The following DLG2 variants were observed in gnomAD, a reference collection of about 807,000 sequenced individuals.
DLG2 encodes the protein disks large homolog 2.
A neutral mutation model predicts 132.5 loss-of-function variants in DLG2; 45 were observed. The observed-to-expected ratio is 0.34, with a 90% CI of 0.27 to 0.44. The LOEUF (loss-of-function observed/expected upper bound fraction) is 0.44, where lower values mean the gene tolerates loss of function less well. Among genes scored for constraint, DLG2 ranks in the 20% least tolerant of loss-of-function variants. The pLI is 1.00. For synonymous variants in DLG2, 424 were observed against 419.6 expected (o/e 1.01, Z -0.13); for missense variants, 1,045 against 1,196.9 (o/e 0.87, Z 1.87).
At chr11:85,626,851 A>G (rs2082057682) in intron 1 of DLG2, 98 bp from the exon 2 acceptor site, 1 of 152,226 alleles carries the variant, frequency 6.6e-6, no homozygotes, top group Admixed American at 6.5e-5. Flanking sequence ...TAGTTTTTCA[A>G]GTTTTTCAAT....
At chr11:85,399,248 G>T (rs909137788) in intron 3 of DLG2, among the ~76,000 whole-genome samples, 11 of 152,068 alleles carry the variant, frequency 7.2e-5, no homozygotes, top group Non-Finnish European at 1.5e-4. Flanking sequence ...TCTTCAAGGA[G>T]AACTACAAAC....
intron 12 of DLG2, among the ~76,000 whole-genome samples, chr11:83,969,552 C>A (rs1462169772): frequency 1.3e-5 from 2 of 152,080 alleles, no homozygotes; most frequent in Non-Finnish European, 1.5e-5. Context: ...ACCACTTGTG[C>A]TTAGATAATG....
At chr11:83,707,682 TAAC>T (rs1437249014) in intron 18 of DLG2, among the ~76,000 whole-genome samples, 1 of 151,514 alleles carries the variant, frequency 6.6e-6, no homozygotes, top group African/African-American at 2.4e-5. Context: ...ACAACAACAA[TAAC>T]AACAGCAATA....
At chr11:85,383,928 C>T (rs985678918) in intron 3 of DLG2, among the ~76,000 whole-genome samples, 2 of 152,158 alleles carry the variant, frequency 1.3e-5, no homozygotes, top group East Asian at 1.9e-4. Context: ...GTGCCCTTCT[C>T]CCCTACAGAA....
At chr11:84,460,927 G>A (rs1278470207) in intron 7 of DLG2, among the ~76,000 whole-genome samples, 18 of 150,558 alleles carry the variant, frequency 1.2e-4, no homozygotes, top group Admixed American at 1.2e-3. Flanking sequence ...TACCCTATAA[G>A]AGACTCATTG....
At chr11:85,101,459 C>G (rs567596827) in intron 6 of DLG2, among the ~76,000 whole-genome samples, 1 of 152,122 alleles carries the variant, frequency 6.6e-6, no homozygotes, top group South Asian at 2.1e-4. Flanking sequence ...TAGTATTTCT[C>G]AGTTTATGCT....
At position 84,419,788 on chromosome 11, in the gene DLG2, A is replaced by AG. The variant is rs1276370600; in HGVS notation, c.519+114781dup. Among the ~76,000 whole-genome samples the AG allele has an allele frequency of 7.3e-4, 111 of 152,294 alleles. 1 individual carries two copies. The highest frequency in any genetic ancestry group is 2.6e-3 in the African/African-American group (109 of 41,554). The stretch of plus-strand genomic sequence containing the variant: ...GTGTCCTGAGCCTCCTGCTGACAAA[A>AG]GGCTACCCATTTTGCTCCTAATTAA... On this transcript the variant is annotated intron_variant, in intron 7 of 27. Transcript: ENST00000376104.
chr11:85,572,444 T>G (rs1326287365), intron 3 of DLG2, among the ~76,000 whole-genome samples: 1 of 152,182 alleles, frequency 6.6e-6, no homozygotes, highest in Non-Finnish European at 1.5e-5. Flanking sequence ...AAAATTTGCT[T>G]TCTGGGAACT....
At chr11:83,835,203 C>T (rs1372027663) in intron 16 of DLG2, among the ~76,000 whole-genome samples, 2 of 152,158 alleles carry the variant, frequency 1.3e-5, no homozygotes, top group Non-Finnish European at 2.9e-5. Flanking sequence ...GAAGGTGTTT[C>T]AGGTGCTCAG....
At chr11:84,142,011 G>A (rs966440423) in intron 9 of DLG2, among the ~76,000 whole-genome samples, 4 of 152,002 alleles carry the variant, frequency 2.6e-5, no homozygotes, top group Non-Finnish European at 4.4e-5. Context: ...CAGGTAGAAA[G>A]GAGATTTGCT....
At chr11:83,858,617 G>C (rs1565373863) in intron 16 of DLG2, among the ~76,000 whole-genome samples, 1 of 152,108 alleles carries the variant, frequency 6.6e-6, no homozygotes. Flanking sequence ...CCCCACAATG[G>C]CTATGGCCCT....
intron 7 of DLG2, among the ~76,000 whole-genome samples, chr11:84,339,189 T>C (rs1438948583): frequency 1.3e-5 from 2 of 152,160 alleles, no homozygotes; most frequent in Admixed American, 6.5e-5. Context: ...GCTGAAGGGA[T>C]GGAGGGTTAC....
At chr11:84,948,466 T>A (rs969745388) in intron 6 of DLG2, among the ~76,000 whole-genome samples, 3 of 152,132 alleles carry the variant, frequency 2.0e-5, no homozygotes, top group Non-Finnish European at 2.9e-5. Flanking sequence ...CTGGAATGAG[T>A]CAACTGAAAG....
rs1240484575 is a variant in DLG2, at chr11:83,459,053, A to G, written c.*765T>C. On this transcript the variant is annotated 3_prime_UTR_variant, in exon 28 of 28. Transcript: ENST00000376104. ...AATATTAGTCTTTACAAAATATTTCACAAAACTTTTTTAACCTATAGAAAT... is the reference window on the plus strand; with the variant it reads ...AATATTAGTCTTTACAAAATATTTCGCAAAACTTTTTTAACCTATAGAAAT... 6.6e-6 allele frequency: 1 copy of G among 152,584 alleles called. No individual in the cohort carries two copies. The highest frequency in any genetic ancestry group is 1.5e-5 in the Non-Finnish European group (1 of 68,050). The allele number at this position is 152,584 out of a possible 1,614,324, so 9.5% of individuals were successfully genotyped here.
Position 84,353,132 on chromosome 11 carries a change from T to C in DLG2, c.520-101841A>G, listed in dbSNP as rs1401760006. Among the ~76,000 whole-genome samples the C allele has an allele frequency of 2.6e-5, 4 of 152,192 alleles. No individual in the cohort carries two copies. In the East Asian group the frequency reaches 5.8e-4, roughly 22 times the overall value. The stretch of plus-strand genomic sequence containing the variant: ...CAAACCTCTCAAAAAGAGTTTTCTC[T>C]ACTCTCTCCATTTTATCACCTCTCA... On this transcript the variant is annotated intron_variant, in intron 7 of 27. Coordinates refer to ENST00000376104, the MANE Select transcript of DLG2 (RefSeq NM_001142699.3).
At chr11:84,427,140 T>A (rs2098969416) in intron 7 of DLG2, among the ~76,000 whole-genome samples, 1 of 151,980 alleles carries the variant, frequency 6.6e-6, no homozygotes, top group Non-Finnish European at 1.5e-5. Flanking sequence ...GTAAGAGGCA[T>A]CATTGGTGAA....
chr11:85,451,438 T>C (rs1462307257), intron 3 of DLG2, among the ~76,000 whole-genome samples: 3 of 152,174 alleles, frequency 2.0e-5, no homozygotes, highest in African/African-American at 7.2e-5. Context: ...AATATTAAAC[T>C]GGCTCATGCT....
chr11:84,953,712 T>C (rs1438898052), intron 6 of DLG2, among the ~76,000 whole-genome samples: 1 of 152,220 alleles, frequency 6.6e-6, no homozygotes, highest in Non-Finnish European at 1.5e-5. Context: ...ATTTTCCATA[T>C]TGCATACAAT....
chr11:84,964,923 GA>G (rs1566525099), intron 6 of DLG2, among the ~76,000 whole-genome samples: 2 of 152,058 alleles, frequency 1.3e-5, no homozygotes, highest in African/African-American at 4.8e-5. Context: ...ACACATATAC[GA>G]AGTGTGATTA....
Sources: gnomAD v4.1 joint callset for allele counts (sites outside exome capture counted in the v4.1 genomes callset) on GRCh38, gnomAD v4.1.1 for gene constraint, MANE v1.5 for transcripts, NCBI Gene and HGNC (gene_info 2026-07-23, HGNC 2026-07-21) for gene names.